The following CLK3 variants were observed in gnomAD, a reference collection of about 807,000 sequenced individuals.
The protein encoded by CLK3 is CDC like kinase 3.
CLK3 carries 24 observed loss-of-function variants against 65.2 expected under a neutral mutation model. The ratio of observed to expected loss-of-function variants is 0.37; its 90% confidence interval spans 0.27 to 0.52. The LOEUF (loss-of-function observed/expected upper bound fraction) is 0.52. Among genes scored for constraint, CLK3 ranks in the 20% least tolerant of loss-of-function variants. The pLI, the probability that CLK3 is intolerant of heterozygous loss-of-function variation, is 0.92. For missense variants in CLK3, 506 were observed against 660.0 expected, an observed-to-expected ratio of 0.77 and a Z score of 2.56; for synonymous variants, 252 against 240.8, an observed-to-expected ratio of 1.05 and a Z score of -0.43.
At chr15:74,619,988 T>C (rs1596287145) in intron 2 of CLK3, 21 bp from the exon 3 acceptor site, 1 of 1,613,764 alleles carries the variant, frequency 6.2e-7, no homozygotes, top group Non-Finnish European at 8.5e-7. Context: ...CTGACCAGCG[T>C]CCCCATCCCC....
rs1399319299 is a variant in CLK3, at chr15:74,627,486, G to A, written c.912+40G>A. On this transcript the variant is annotated intron_variant, in intron 8 of 12. Transcript: ENST00000395066. This position sits in a 1 kb window ranked among gnomAD's most constrained non-coding sequence, Gnocchi z 4.3. ...AAGGGTGAGGCCCTGTTTCAGGGGT[G>A]GGTTACCCGCTGGTGCAGACTCCTG... 1 of 1,614,196 alleles carries A rather than the reference G, an allele frequency of 6.2e-7. No homozygotes were observed. The highest frequency in any genetic ancestry group is 1.7e-5 in the Admixed American group (1 of 60,032).
intron 6 of CLK3, 113 bp from the exon 7 acceptor site, chr15:74,625,689 C>A: frequency 9.3e-7 from 1 of 1,077,602 alleles, no homozygotes; most frequent in Non-Finnish European, 1.4e-6. Flanking sequence ...TATCTGCATT[C>A]TGGTGTGTGA....
At position 74,629,050 on chromosome 15, in the gene CLK3, C is replaced by T. The variant is rs1358503644; in HGVS notation, c.1296+18C>T. ...CTCTGAAGGTCAGTTTCTGGCTACCCCCAGCTGAACTCATGCCAAGGAGAG... is the reference window on the plus strand; with the variant it reads ...CTCTGAAGGTCAGTTTCTGGCTACCTCCAGCTGAACTCATGCCAAGGAGAG... On this transcript the variant is annotated intron_variant, in intron 12 of 12. Transcript: ENST00000395066. The T allele has an allele frequency of 1.9e-6, 3 of 1,576,904 alleles. No individual in the cohort carries two copies. Among genetic ancestry groups the T allele is most frequent in the African/African-American group, 1.3e-5 (1 of 74,278 alleles).
rs1396572450 is a variant in CLK3, at chr15:74,619,894, A to G, written c.153-115A>G. 2.6e-6 allele frequency: 4 copies of G among 1,516,796 alleles called. No homozygotes were observed. In the African/African-American group the frequency reaches 5.5e-5, roughly 21 times the overall value. The allele number at this position is 1,516,796 out of a possible 1,614,324, so 94.0% of individuals were successfully genotyped here. On this transcript the variant is annotated intron_variant, in intron 2 of 12. Coordinates refer to ENST00000395066, the MANE Select transcript of CLK3 (RefSeq NM_001130028.2). ...CTCTGCCCACTTCCCACCAGTGTGGATGCTTTTAGCACAGGCTGTCCCCCT... is the reference window on the plus strand; with the variant it reads ...CTCTGCCCACTTCCCACCAGTGTGGGTGCTTTTAGCACAGGCTGTCCCCCT...
At chr15:74,613,306 A>G (rs2062014593), upstream of CLK3, 1 of 151,974 alleles carries the variant, frequency 6.6e-6, no homozygotes, top group African/African-American at 2.4e-5. Context: ...ACAGACCTCA[A>G]CTCCACAGAG....
At chr15:74,619,602 G>A (rs1218293878) in intron 2 of CLK3, among the ~76,000 whole-genome samples, 1 of 152,158 alleles carries the variant, frequency 6.6e-6, no homozygotes, top group Admixed American at 6.5e-5. Context: ...TTCTAGGCCA[G>A]CATCTTTCCG....
chr15:74,609,633 C>T (rs1220573959), intron 1 of CLK3, among the ~76,000 whole-genome samples: 3 of 152,234 alleles, frequency 2.0e-5, no homozygotes, highest in Admixed American at 1.3e-4. Context: ...CTCCTGCAGA[C>T]GGACTGTGTC....
chr15:74,616,451 A>G (rs2062060759), intron 1 of CLK3, among the ~76,000 whole-genome samples: 1 of 152,230 alleles, frequency 6.6e-6, no homozygotes, highest in African/African-American at 2.4e-5. Flanking sequence ...TTGTGGTGGT[A>G]GAGCCACTCC....
At position 74,622,525 on chromosome 15, in the gene CLK3, C is replaced by G. The variant is rs1325391218; in HGVS notation, c.498C>G (p.Thr166=). Reference sequence around the variant, plus strand: ...TTGTGGGGAACCTGGGTGAAGGCACCTTTGGCAAGGTGGTGGAGTGCTTGG... The same window carrying G: ...TTGTGGGGAACCTGGGTGAAGGCACGTTTGGCAAGGTGGTGGAGTGCTTGG... ...YEIVGNLGEG[T]FGKVVECLDH... The change falls in exon 5 of 13, where the codon ACC becomes ACG. Residue 166 remains threonine (T), a synonymous_variant. Coordinates refer to ENST00000395066, the MANE Select transcript of CLK3 (RefSeq NM_001130028.2). The surrounding 1 kb of genome is among the most constrained non-coding windows in gnomAD (Gnocchi z 4.6). 2 of 1,613,400 alleles carry G rather than the reference C, an allele frequency of 1.2e-6. No individual in the cohort carries two copies. Among genetic ancestry groups the G allele is most frequent in the Admixed American group, 3.3e-5 (2 of 59,840 alleles).
intron 1 of CLK3, among the ~76,000 whole-genome samples, chr15:74,617,452 C>A (rs935221061): frequency 6.6e-6 from 1 of 152,248 alleles, no homozygotes; most frequent in African/African-American, 2.4e-5. Context: ...TTAATCCTCA[C>A]AGAACCTTGT....
rs751508782 is a variant in CLK3 at position 74,622,189 on chromosome 15, C to T, written c.439C>T (p.Arg147Trp). ...TGACAAGGAGGGTCACCTGGTGTGCCGGATCGGCGATTGGCTCCAAGAGCG... is the reference window on the plus strand; with the variant it reads ...TGACAAGGAGGGTCACCTGGTGTGCTGGATCGGCGATTGGCTCCAAGAGCG... ...EDDKEGHLVC[R>W]IGDWLQERYE... Residue 147 changes from arginine (R) to tryptophan (W), a missense_variant, in exon 4 of 13, where the codon CGG becomes TGG. Physicochemically the swap from Arg to Trp is moderately radical, Grantham distance 101 (BLOSUM62 -3). Around this residue, in one of 2 missense-constraint regions of CLK3, gnomAD observed 325 missense variants for 500.5 expected, o/e 0.65. Coordinates refer to ENST00000395066, the MANE Select transcript of CLK3 (RefSeq NM_001130028.2). This position sits in a 1 kb window ranked among gnomAD's most constrained non-coding sequence, Gnocchi z 4.6. The T allele has an allele frequency of 2.5e-6, 4 of 1,613,816 alleles. No individual in the cohort carries two copies. Among genetic ancestry groups the T allele is most frequent in the Middle Eastern group, 1.6e-4 (1 of 6,084 alleles).
chr15:74,613,750 G>A (rs1441956032), upstream of CLK3, among the ~76,000 whole-genome samples: 1 of 152,110 alleles, frequency 6.6e-6, no homozygotes, highest in Non-Finnish European at 1.5e-5. Context: ...CCATCCCTCA[G>A]GGCTAGTATC....
upstream of CLK3, chr15:74,615,683 G>C (rs2062049209): frequency 1.6e-6 from 2 of 1,240,828 alleles, no homozygotes; most frequent in South Asian, 7.1e-5. Context: ...TAGTCTCCTA[G>C]GCCGCGGCGC....
chr15:74,612,609 C>T (rs2062004374), upstream of CLK3, among the ~76,000 whole-genome samples: 2 of 152,166 alleles, frequency 1.3e-5, no homozygotes, highest in African/African-American at 2.4e-5. Context: ...CCACTCCTCA[C>T]ATTCCCAGGC....
At chr15:74,615,490 G>T (rs762972826), upstream of CLK3, 5 of 1,311,000 alleles carry the variant, frequency 3.8e-6, no homozygotes, top group African/African-American at 4.6e-5. Flanking sequence ...GGGAGTTGGC[G>T]GACCACGCGG....
chr15:74,620,110 G>T lies in CLK3; in HGVS notation c.254G>T (p.Gly85Val). ...RSPSFGEDYY[G>V]PSRSRHRRRS... ...CCATCCTTTGGAGAGGACTACTATG[G>T]ACCTTCACGTTCTCGTCATCGTCGG... Residue 85 changes from glycine to valine, a missense_variant, in exon 3 of 13, where the codon GGA becomes GTA. Physicochemically the swap from Gly to Val is moderately radical, Grantham distance 109 (BLOSUM62 -3). Around this residue, in one of 2 missense-constraint regions of CLK3, gnomAD observed 181 missense variants for 159.4 expected, o/e 1.14. Coordinates refer to ENST00000395066, the MANE Select transcript of CLK3 (RefSeq NM_001130028.2). The T allele has an allele frequency of 6.2e-7, 1 of 1,614,218 alleles. No homozygotes were observed. Among genetic ancestry groups the T allele is most frequent in the Non-Finnish European group, 8.5e-7 (1 of 1,180,042 alleles).
rs575659629 is a variant in CLK3, at chr15:74,618,091, G to A, written c.1-1106G>A. On this transcript the variant is annotated intron_variant, in intron 1 of 12. Transcript: ENST00000395066. ...GCTTTTCTCCTGACAGACCCTGCTG[G>A]TGAGATGGGGCAGCCTCAGTGGGTT... is the stretch of plus-strand genomic sequence containing the variant. 1.2e-4 allele frequency among the ~76,000 whole-genome samples: 18 copies of A among 152,310 alleles called. No homozygotes were observed. In the South Asian group the frequency reaches 3.7e-3, roughly 32 times the overall value.
upstream of CLK3, chr15:74,615,826 G>A (rs958165356): frequency 3.2e-6 from 4 of 1,247,854 alleles, no homozygotes; most frequent in Admixed American, 4.1e-5. Flanking sequence ...CACGGGCGGA[G>A]GTCGCAGCCG....
Position 74,627,561 on chromosome 15 carries a change from A to C in CLK3, c.935A>C (p.Lys312Thr). The C allele has an allele frequency of 6.2e-7, 1 of 1,614,238 alleles. No individual in the cohort carries two copies. Among genetic ancestry groups the C allele is most frequent in the Non-Finnish European group, 8.5e-7 (1 of 1,180,042 alleles). ...CAGAGCTGTGAGGAGAAGTCAGTGA[A>C]GAACACCAGCATCCGAGTGGCTGAC... ...EHKSCEEKSVKNTSIRVADFG... is the reference protein window; with the variant it reads ...EHKSCEEKSVTNTSIRVADFG... The change falls in exon 9 of 13, where the codon AAG becomes ACG. Residue 312 changes from lysine (K) to threonine (T), a missense_variant. By Grantham distance (78) the Lys-to-Thr change is moderately conservative. Around this residue, in one of 2 missense-constraint regions of CLK3, gnomAD observed 325 missense variants for 500.5 expected, o/e 0.65. Transcript: ENST00000395066. The surrounding 1 kb of genome is among the most constrained non-coding windows in gnomAD (Gnocchi z 4.3).
Sources: gnomAD v4.1 joint callset for allele counts (sites outside exome capture counted in the v4.1 genomes callset) on GRCh38, gnomAD v4.1.1 for gene constraint, gnomAD v4.1.1 regional missense constraint, Gnocchi (gnomAD v3.1) non-coding constraint, MANE v1.5 for transcripts, NCBI Gene and HGNC (gene_info 2026-07-23, HGNC 2026-07-21) for gene names.